Variants in SAFB2 observed in about 807,000 individuals in gnomAD.
SAFB2 encodes the protein scaffold attachment factor B2.
Under a neutral mutation model 100.6 loss-of-function variants are expected in SAFB2, and 32 were observed. That is an observed-to-expected ratio of 0.32 (90% CI 0.24 to 0.43). The LOEUF is 0.43. Among genes scored for constraint, SAFB2 ranks in the 20% least tolerant of loss-of-function variants. SAFB2 has a pLI of 1.00. For synonymous variants in SAFB2, 500 were observed against 439.4 expected (o/e 1.14, Z -1.72); for missense variants, 1,185 against 1,163.4 (o/e 1.02, Z -0.27).
chr19:5,608,633 T>G (rs1281111916), intron 9 of SAFB2, among the ~76,000 whole-genome samples: 1 of 152,132 alleles, frequency 6.6e-6, no homozygotes, highest in Non-Finnish European at 1.5e-5. Flanking sequence ...GAAAACTGTG[T>G]CAGACAGGGC....
rs2052975869 is a variant in SAFB2 at position 5,614,267 on chromosome 19, T to G, written c.544-740A>C. 2.0e-5 allele frequency among the ~76,000 whole-genome samples: 3 copies of G among 152,224 alleles called. No individual in the cohort carries two copies. In the South Asian group the frequency reaches 6.2e-4, roughly 31 times the overall value. On this transcript the variant is annotated intron_variant, in intron 4 of 20. Coordinates refer to ENST00000252542, the MANE Select transcript of SAFB2 (RefSeq NM_014649.3). ...CGCGCCTGGCCCGCCTAGCCTACTT[T>G]ATTAAAAACAAACATCTAACTTGGT...
At chr19:5,608,616 G>A (rs1046326605) in intron 9 of SAFB2, among the ~76,000 whole-genome samples, 2 of 152,184 alleles carry the variant, frequency 1.3e-5, no homozygotes. Flanking sequence ...AACGGCTTCT[G>A]TAGCCAGAAA....
intron 2 of SAFB2, among the ~76,000 whole-genome samples, chr19:5,617,187 A>G (rs985522385): frequency 5.9e-5 from 9 of 152,202 alleles, no homozygotes; most frequent in East Asian, 3.8e-4. Context: ...AACATAAAAT[A>G]ACATATTGAG....
Position 5,592,204 on chromosome 19 carries a change from G to A in SAFB2, c.2349-411C>T, listed in dbSNP as rs186354395. Among the ~76,000 whole-genome samples the A allele has an allele frequency of 1.9e-3, 293 of 152,240 alleles. 1 individual carries two copies. Among genetic ancestry groups the A allele is most frequent in the African/African-American group, 6.8e-3 (284 of 41,538 alleles). ...CCTGTTCTCCCCGCTCTGACATTCC[G>A]ACTGAAGGAGCCAATGAATGGGGAA... On this transcript the variant is annotated intron_variant, in intron 16 of 20. Coordinates refer to ENST00000252542, the MANE Select transcript of SAFB2 (RefSeq NM_014649.3).
chr19:5,606,280 T>G (rs1371157280), intron 9 of SAFB2, among the ~76,000 whole-genome samples: 2 of 152,300 alleles, frequency 1.3e-5, no homozygotes, highest in Non-Finnish European at 2.9e-5. Flanking sequence ...TTTGTAGAGA[T>G]ACAAGTATAA....
chr19:5,595,582 A>T, intron 13 of SAFB2, 85 bp from the exon 14 acceptor site: 2 of 1,501,942 alleles, frequency 1.3e-6, no homozygotes. Context: ...GCATGAGACT[A>T]AGATTCTCTG....
chr19:5,594,101 T>G lies in SAFB2; in HGVS notation c.1997A>C (p.Glu666Ala). The G allele has an allele frequency of 6.2e-7, 1 of 1,600,618 alleles. No individual in the cohort carries two copies. Among genetic ancestry groups the G allele is most frequent in the Non-Finnish European group, 8.5e-7 (1 of 1,177,992 alleles). The change falls in exon 15 of 21, where the codon GAA becomes GCA. Residue 666 changes from glutamate (E) to alanine (A), a missense_variant. Physicochemically the swap from Glu to Ala is moderately radical, Grantham distance 107 (BLOSUM62 -1). Around this residue, in one of 3 missense-constraint regions of SAFB2, gnomAD observed 740 missense variants for 687.1 expected, o/e 1.08. Coordinates refer to ENST00000252542, the MANE Select transcript of SAFB2 (RefSeq NM_014649.3). ...GCGCTGGCACTCGAGCTGCAGGCGT[T>G]CCCGCTGTAGCCGGGCCTTCTCCTT... ...ERKEKARLQRERLQLECQRQR... is the reference protein window; with the variant it reads ...ERKEKARLQRARLQLECQRQR...
intron 12 of SAFB2, among the ~76,000 whole-genome samples, chr19:5,599,418 G>A (rs1160938931): frequency 6.6e-6 from 1 of 152,142 alleles, no homozygotes. Context: ...GACTTATTTG[G>A]GGAGATTTAT....
chr19:5,606,858 G>A (rs2052785138), intron 9 of SAFB2, among the ~76,000 whole-genome samples: 1 of 152,234 alleles, frequency 6.6e-6, no homozygotes, highest in African/African-American at 2.4e-5. Flanking sequence ...ATTCCTTCAG[G>A]AGGGAGGAAG....
intron 11 of SAFB2, among the ~76,000 whole-genome samples, chr19:5,601,866 T>C (rs548666232): frequency 1.3e-5 from 2 of 152,286 alleles, no homozygotes; most frequent in East Asian, 1.9e-4. Flanking sequence ...TAAATATATA[T>C]GCTGGAAAAA....
In SAFB2 at chr19:5,592,816, C is replaced by T. The variant is rs772888543; in HGVS notation, c.2279G>A (p.Arg760Gln). 43 of 1,614,070 alleles carry T rather than the reference C, an allele frequency of 2.7e-5. No homozygotes were observed. The East Asian group carries it at 3.6e-4, about 13-fold the overall frequency. The change falls in exon 16 of 21, where the codon CGG becomes CAG. Residue 760 changes from arginine (R) to glutamine (Q), a missense_variant. Transcript: ENST00000252542. ...GAAGTCGTGAAAGCGGTGGTCTGGC[C>T]GGGGAAAGTCTGCACGATATCGGTC... is the stretch of plus-strand genomic sequence containing the variant. ...MEDRYRADFP[R>Q]PDHRFHDFDH...
rs776973053 is a variant in SAFB2, at chr19:5,604,647, C to T, written c.1495G>A (p.Glu499Lys). Reference protein sequence around the residue: ...GKKLSDRKECEVKKEKLSSVD... With the variant: ...GKKLSDRKECKVKKEKLSSVD... ...CTCGATAATTTTTCCTTCTTCACTT[C>T]GCACTCTTTTCTGTCGGAAAGCTTT... The change falls in exon 11 of 21, where the codon GAA becomes AAA. Residue 499 changes from glutamate (E) to lysine (K), a missense_variant. By Grantham distance (56) the Glu-to-Lys change is moderately conservative. This residue lies in a region of SAFB2 where 740 missense variants were observed against 687.1 expected (regional missense o/e 1.08). Transcript: ENST00000252542. The T allele has an allele frequency of 9.3e-6, 15 of 1,614,098 alleles. No homozygotes were observed. The highest frequency in any genetic ancestry group is 1.7e-5 in the Admixed American group (1 of 60,006).
intron 4 of SAFB2, chr19:5,613,737 T>A (rs918146374): frequency 3.0e-6 from 3 of 985,348 alleles, no homozygotes; most frequent in Non-Finnish European, 3.6e-6. Flanking sequence ...GGCAGTGGCC[T>A]GCAGGTGGGT....
At chr19:5,600,465 G>A (rs1193079050) in intron 11 of SAFB2, among the ~76,000 whole-genome samples, 1 of 152,178 alleles carries the variant, frequency 6.6e-6, no homozygotes, top group Admixed American at 6.5e-5. Flanking sequence ...TCTAGTATGT[G>A]CTGAATTGAG....
rs2052438436 is a variant in SAFB2, at chr19:5,592,749, G to C, written c.2346C>G (p.Asp782Glu). Residue 782 changes from aspartate (D) to glutamate (E), a missense_variant and splice_region_variant, in exon 16 of 21, where the codon GAC becomes GAG. By Grantham distance (45) the Asp-to-Glu change is conservative. Transcript: ENST00000252542. The part of the protein sequence containing the change: ...DRGQYQDHAI[D>E]RREGSRPMMG... ...AAGGAGGGGACAAGACCACTGACCT[G>C]TCGATGGCGTGGTCCTGGTACTGGC... The C allele has an allele frequency of 6.2e-7, 1 of 1,614,092 alleles. No individual in the cohort carries two copies. The highest frequency in any genetic ancestry group is 1.7e-4 in the Middle Eastern group (1 of 6,016).
intron 17 of SAFB2, chr19:5,591,272 CT>C (rs1199975803): frequency 0.07 from 8,240 of 118,198 alleles, 467 homozygotes; most frequent in Non-Finnish European, 0.09. Context: ...AATATTTGCG[CT>C]TTTTTTTTTT....
intron 16 of SAFB2, 44 bp downstream of exon 16, chr19:5,592,703 T>C: frequency 6.2e-7 from 1 of 1,609,108 alleles, no homozygotes; most frequent in Non-Finnish European, 8.5e-7. Flanking sequence ...GATGCCCCGG[T>C]GCCCACAATG....
chr19:5,604,527 G>A (rs776140642), intron 11 of SAFB2, 56 bp downstream of exon 11: 1 of 1,351,938 alleles, frequency 7.4e-7, no homozygotes, highest in Non-Finnish European at 1.1e-6. Flanking sequence ...GCCCATGGTG[G>A]CTGCCCGTGC....
chr19:5,588,002 T>C, intron 18 of SAFB2, 22 bp from the exon 19 acceptor site: 5 of 1,600,064 alleles, frequency 3.1e-6, no homozygotes, highest in Non-Finnish European at 4.3e-6. Context: ...GAAAAAGACA[T>C]GCAGCCATCT....
Sources: gnomAD v4.1 joint callset for allele counts (sites outside exome capture counted in the v4.1 genomes callset) on GRCh38, gnomAD v4.1.1 for gene constraint, gnomAD v4.1.1 regional missense constraint, MANE v1.5 for transcripts, NCBI Gene and HGNC (gene_info 2026-07-23, HGNC 2026-07-21) for gene names.